Variants in CADM1 observed in about 807,000 individuals in gnomAD.
The protein encoded by CADM1 is cell adhesion molecule 1, also known as TSLC-1.
A neutral mutation model predicts 53.1 loss-of-function variants in CADM1; 15 were observed. That is an observed-to-expected ratio of 0.28 (90% CI 0.19 to 0.44). The LOEUF is 0.44. Ranked by LOEUF, CADM1 falls within the 20% of genes least tolerant of loss-of-function variation. The probability of loss-of-function intolerance (pLI) is 1.00; values close to 1 mark genes in which losing one functional copy is unlikely to be tolerated. For synonymous variants in CADM1, 281 were observed against 243.0 expected, an observed-to-expected ratio of 1.16 and a Z score of -1.45; for missense variants, 434 against 611.3, an observed-to-expected ratio of 0.71 and a Z score of 3.06.
At chr11:115,458,532 T>C (rs1286966188) in intron 1 of CADM1, among the ~76,000 whole-genome samples, 2 of 137,828 alleles carry the variant, frequency 1.5e-5, no homozygotes. Flanking sequence ...TTATTATTAT[T>C]ACATTATACC....
At chr11:115,315,233 G>A (rs1944632259) in intron 1 of CADM1, among the ~76,000 whole-genome samples, 1 of 152,124 alleles carries the variant, frequency 6.6e-6, no homozygotes, top group Admixed American at 6.6e-5. Context: ...TCCCACTGAG[G>A]CAAAATTAAA....
intron 1 of CADM1, among the ~76,000 whole-genome samples, chr11:115,341,568 GA>G (rs1324336733): frequency 1.6e-4 from 25 of 152,250 alleles, no homozygotes; most frequent in African/African-American, 6.0e-4. Context: ...AGTTTACAAA[GA>G]AGCACTGTGT....
chr11:115,453,564 T>A (rs1052504587), intron 1 of CADM1, among the ~76,000 whole-genome samples: 1 of 152,116 alleles, frequency 6.6e-6, no homozygotes, highest in Non-Finnish European at 1.5e-5. Context: ...AGTGACAGGA[T>A]CTCGGCTCAC....
chr11:115,370,519 C>T (rs1464457113), intron 1 of CADM1, among the ~76,000 whole-genome samples: 1 of 152,152 alleles, frequency 6.6e-6, no homozygotes, highest in Non-Finnish European at 1.5e-5. Flanking sequence ...CTTCCCCCAT[C>T]ACATGTTCAT....
chr11:115,454,162 G>A (rs1376241117), intron 1 of CADM1, among the ~76,000 whole-genome samples: 1 of 152,002 alleles, frequency 6.6e-6, no homozygotes, highest in Non-Finnish European at 1.5e-5. Flanking sequence ...AGCAATTAAA[G>A]TTGACTCTAA....
chr11:115,246,048 T>G (rs965984498), intron 1 of CADM1, among the ~76,000 whole-genome samples: 1 of 152,192 alleles, frequency 6.6e-6, no homozygotes, highest in Non-Finnish European at 1.5e-5. Flanking sequence ...TTTTTAGGCA[T>G]CCAATGTGCA....
At chr11:115,198,242 A>G (rs1197410668) in intron 9 of CADM1, among the ~76,000 whole-genome samples, 164 bp downstream of exon 9, 3 of 152,216 alleles carry the variant, frequency 2.0e-5, no homozygotes, top group Non-Finnish European at 2.9e-5. Flanking sequence ...AACAGAAATG[A>G]CAAGACTCGA....
At position 115,173,083 on chromosome 11, in the gene CADM1, C is replaced by G. The variant is rs973464523; in HGVS notation, c.*3391G>C. The G allele has an allele frequency of 6.6e-6, 1 of 152,318 alleles. No homozygotes were observed. Among genetic ancestry groups the G allele is most frequent in the Non-Finnish European group, 1.5e-5 (1 of 68,130 alleles). The allele number at this position is 152,318 out of a possible 1,614,324, so 9.4% of individuals were successfully genotyped here. A position where few individuals can be genotyped will look rare whatever the true frequency, so the allele number is the denominator to read the frequency against. On this transcript the variant is annotated 3_prime_UTR_variant, in exon 12 of 12. Coordinates refer to ENST00000331581, the MANE Select transcript of CADM1 (RefSeq NM_001301043.2). ...GGCCTGGAAGTCTCAGCAACCTAAA[C>G]AGCAAGTGAGAACAATCTTCTGCAG...
At chr11:115,239,272 C>T (rs1351493514) in intron 2 of CADM1, among the ~76,000 whole-genome samples, 3 of 152,116 alleles carry the variant, frequency 2.0e-5, no homozygotes, top group African/African-American at 7.2e-5. Flanking sequence ...CTTGGATGCA[C>T]CTTAACATAT....
At chr11:115,190,682 C>T in intron 10 of CADM1, 1 of 550,618 alleles carries the variant, frequency 1.8e-6, no homozygotes, top group Admixed American at 3.2e-5. Context: ...TTAAATTGTC[C>T]CCATTCCGAA....
rs1945683139 is a variant in CADM1, at chr11:115,349,965, GTTTGT to G, written c.125-109550_125-109546del. Among the ~76,000 whole-genome samples, 3 of 152,072 alleles carry G rather than the reference GTTTGT, an allele frequency of 2.0e-5. No individual in the cohort carries two copies. The South Asian group carries it at 6.3e-4, about 32-fold the overall frequency. Reference sequence around the variant, plus strand: ...TCATAGCCTTACCATCTTTTTCTTTGTTTGTTTTGTTTTTTGTTTTTTTGAGATGG... The same window carrying G: ...TCATAGCCTTACCATCTTTTTCTTTGTTTGTTTTTTGTTTTTTTGAGATGG... On this transcript the variant is annotated intron_variant, in intron 1 of 11. Coordinates refer to ENST00000331581, the MANE Select transcript of CADM1 (RefSeq NM_001301043.2).
intron 1 of CADM1, among the ~76,000 whole-genome samples, chr11:115,391,798 G>A (rs910953550): frequency 6.6e-5 from 10 of 152,082 alleles, no homozygotes; most frequent in Admixed American, 3.9e-4. Context: ...TGCTACAGCT[G>A]GTGGAGCCTG....
At chr11:115,314,634 G>A (rs1382178203) in intron 1 of CADM1, among the ~76,000 whole-genome samples, 1 of 152,100 alleles carries the variant, frequency 6.6e-6, no homozygotes, top group Non-Finnish European at 1.5e-5. Context: ...TGGATGTCAT[G>A]GATATGGTAG....
At chr11:115,242,476 A>G (rs1942273574) in intron 1 of CADM1, among the ~76,000 whole-genome samples, 1 of 152,192 alleles carries the variant, frequency 6.6e-6, no homozygotes. Context: ...ATTTCTACCA[A>G]TCAAGTGAGG....
At chr11:115,498,656 A>G (rs1322188716) in intron 1 of CADM1, among the ~76,000 whole-genome samples, 1 of 152,244 alleles carries the variant, frequency 6.6e-6, no homozygotes, top group Non-Finnish European at 1.5e-5. Flanking sequence ...TAGAAGCAAT[A>G]ATCGTGCTGT....
chr11:115,292,040 T>C (rs1943918777), intron 1 of CADM1, among the ~76,000 whole-genome samples: 1 of 151,084 alleles, frequency 6.6e-6, no homozygotes, highest in African/African-American at 2.4e-5. Context: ...TTTTCACACC[T>C]AAGAATAATG....
At chr11:115,223,740 C>G (rs1194640054) in intron 5 of CADM1, among the ~76,000 whole-genome samples, 3 of 152,216 alleles carry the variant, frequency 2.0e-5, no homozygotes, top group Admixed American at 6.5e-5. Context: ...GTATCACTAA[C>G]AATCTATAGT....
intron 1 of CADM1, among the ~76,000 whole-genome samples, chr11:115,412,821 T>A (rs1234870780): frequency 7.2e-5 from 11 of 152,196 alleles, no homozygotes. Flanking sequence ...TAAAGACAGC[T>A]AATAAACAGC....
chr11:115,387,863 TA>T (rs1313084040), intron 1 of CADM1, among the ~76,000 whole-genome samples: 2 of 151,822 alleles, frequency 1.3e-5, no homozygotes, highest in African/African-American at 4.8e-5. Flanking sequence ...GCAGCACACC[TA>T]GCACCCCAAT....
Sources: allele counts gnomAD v4.1 joint callset (sites outside exome capture counted in the v4.1 genomes callset), GRCh38; gene constraint gnomAD v4.1.1; transcripts MANE v1.5; gene names NCBI Gene and HGNC (gene_info 2026-07-23, HGNC 2026-07-21).